The following PPARGC1A variants were observed in gnomAD, a reference collection of about 807,000 sequenced individuals.
PPARGC1A encodes the protein peroxisome proliferator-activated receptor gamma coactivator 1-alpha.
PPARGC1A carries 25 observed loss-of-function variants against 88.7 expected under a neutral mutation model. The ratio of observed to expected loss-of-function variants is 0.28; its 90% CI spans 0.21 to 0.39. The LOEUF (loss-of-function observed/expected upper bound fraction) is 0.39, where lower values mean the gene tolerates loss of function less well. PPARGC1A is among the 10% of genes least tolerant of loss of function. The pLI is 1.00. For synonymous variants in PPARGC1A, 363 were observed against 355.6 expected, an observed-to-expected ratio of 1.02 and a Z score of -0.24; for missense variants, 880 against 968.7, an observed-to-expected ratio of 0.91 and a Z score of 1.22.
the PPARGC1A span, among the ~76,000 whole-genome samples, chr4:24,140,904 C>T: frequency 2.6e-5 from 4 of 152,194 alleles, no homozygotes; most frequent in African/African-American, 9.6e-5. Flanking sequence ...AAGATGGAGA[C>T]AGTCCCATCC....
At chr4:23,989,898 C>T in the PPARGC1A span, among the ~76,000 whole-genome samples, 4 of 150,354 alleles carry the variant, frequency 2.7e-5, no homozygotes, top group African/African-American at 7.3e-5. Context: ...CCCCAAAAGG[C>T]AAAACTGTTG....
chr4:23,910,098 CAT>C, the PPARGC1A span, among the ~76,000 whole-genome samples: 2 of 133,440 alleles, frequency 1.5e-5, no homozygotes, highest in African/African-American at 2.8e-5. Context: ...ATATTTTACA[CAT>C]ATATATGTAT....
At chr4:24,004,678 G>A in the PPARGC1A span, among the ~76,000 whole-genome samples, 5 of 152,062 alleles carry the variant, frequency 3.3e-5, no homozygotes, top group African/African-American at 4.8e-5. Context: ...ACTGGTCTTC[G>A]GTAAAAGCTA....
the PPARGC1A span, among the ~76,000 whole-genome samples, chr4:24,064,045 C>T: frequency 6.6e-6 from 1 of 152,290 alleles, no homozygotes; most frequent in East Asian, 1.9e-4. Context: ...CACATCTGAA[C>T]TGCCCGAGCA....
the PPARGC1A span, among the ~76,000 whole-genome samples, chr4:24,169,599 T>C: frequency 1.3e-5 from 2 of 152,152 alleles, no homozygotes; most frequent in Admixed American, 1.3e-4. Context: ...GCCAAGCATG[T>C]TGGCTCACAT....
At chr4:23,905,042 T>C (rs556012202), upstream of PPARGC1A, among the ~76,000 whole-genome samples, 13 of 152,314 alleles carry the variant, frequency 8.5e-5, no homozygotes, top group East Asian at 2.3e-3. Flanking sequence ...GTAAGTGGCA[T>C]GAAAGGAGGT....
At chr4:24,114,907 C>T in the PPARGC1A span, among the ~76,000 whole-genome samples, 10 of 148,168 alleles carry the variant, frequency 6.7e-5, no homozygotes, top group Admixed American at 3.4e-4. Context: ...GCTACATTTG[C>T]TGTGGATTAA....
the PPARGC1A span, among the ~76,000 whole-genome samples, chr4:24,096,124 T>TG: frequency 9.9e-5 from 15 of 152,150 alleles, no homozygotes; most frequent in Non-Finnish European, 2.2e-4. Flanking sequence ...TCATGAGATC[T>TG]GATGGTTTAA....
At chr4:24,039,340 C>T in the PPARGC1A span, among the ~76,000 whole-genome samples, 4 of 152,158 alleles carry the variant, frequency 2.6e-5, no homozygotes, top group Admixed American at 6.5e-5. Context: ...GAGGTTCTTA[C>T]GAGAAATATA....
chr4:24,060,046 T>G, the PPARGC1A span, among the ~76,000 whole-genome samples: 1 of 152,206 alleles, frequency 6.6e-6, no homozygotes, highest in African/African-American at 2.4e-5. Context: ...GCATGAAGAA[T>G]GCTTCTTTCC....
the PPARGC1A span, among the ~76,000 whole-genome samples, chr4:24,188,534 G>A: frequency 6.6e-6 from 1 of 152,096 alleles, no homozygotes; most frequent in African/African-American, 2.4e-5. Flanking sequence ...AGTAAAGAAG[G>A]AAGAAATGAA....
At chr4:24,095,478 C>T in the PPARGC1A span, among the ~76,000 whole-genome samples, 721 of 152,122 alleles carry the variant, frequency 4.7e-3, 5 homozygotes, top group African/African-American at 0.017. Context: ...TTAGGGTGGG[C>T]TTTAATCCAA....
the PPARGC1A span, among the ~76,000 whole-genome samples, chr4:24,037,918 T>C: frequency 6.6e-6 from 1 of 152,180 alleles, no homozygotes; most frequent in East Asian, 1.9e-4. Context: ...TGATAAAAAG[T>C]AGGCACTCAA....
At chr4:24,275,756 T>C in the PPARGC1A span, among the ~76,000 whole-genome samples, 97 of 152,294 alleles carry the variant, frequency 6.4e-4, no homozygotes, top group African/African-American at 2.1e-3. Context: ...CAACAGTCTT[T>C]AACAACTCCA....
upstream of PPARGC1A, among the ~76,000 whole-genome samples, chr4:23,892,195 C>T (rs111553304): frequency 2.0e-5 from 3 of 152,094 alleles, no homozygotes; most frequent in Admixed American, 2.0e-4. Flanking sequence ...TTAGGGTTTT[C>T]TTATTTTTTG....
At chr4:24,178,605 T>C in the PPARGC1A span, among the ~76,000 whole-genome samples, 1 of 152,250 alleles carries the variant, frequency 6.6e-6, no homozygotes, top group Non-Finnish European at 1.5e-5. Context: ...TGAAAGAGAC[T>C]GTCCGTTTCT....
chr4:23,990,226 G>A, the PPARGC1A span, among the ~76,000 whole-genome samples: 1 of 149,496 alleles, frequency 6.7e-6, no homozygotes, highest in African/African-American at 2.5e-5. Context: ...ATATGATAAT[G>A]GATAATAATA....
At chr4:24,238,975 T>C in the PPARGC1A span, among the ~76,000 whole-genome samples, 13 of 152,166 alleles carry the variant, frequency 8.5e-5, no homozygotes, top group Non-Finnish European at 1.6e-4. Flanking sequence ...GATGGGGAAA[T>C]AATAATGGTT....
At chr4:24,387,942 A>AAGAAAGAAAGAT in the PPARGC1A span, among the ~76,000 whole-genome samples, 1 of 136,822 alleles carries the variant, frequency 7.3e-6, no homozygotes, top group African/African-American at 3.2e-5. Context: ...AAGAGAAAGA[A>AAGAAAGAAAGAT]AGAAAGAAAG....
Sources: gnomAD v4.1 joint callset for allele counts (sites outside exome capture counted in the v4.1 genomes callset) on GRCh38, gnomAD v4.1.1 for gene constraint, MANE v1.5 for transcripts, NCBI Gene and HGNC (gene_info 2026-07-23, HGNC 2026-07-21) for gene names.